The following CLCN5 variants were observed in gnomAD, a reference collection of about 807,000 sequenced individuals.
CLCN5 encodes H(+)/Cl(-) exchange transporter 5.
A neutral mutation model predicts 54.0 loss-of-function variants in CLCN5; 17 were observed. That is an observed-to-expected ratio of 0.31 (90% CI 0.22 to 0.47). CLCN5 has a LOEUF of 0.47. Among genes scored for constraint, CLCN5 ranks in the 20% least tolerant of loss-of-function variants. The probability of loss-of-function intolerance (pLI) is 1.00; values close to 1 mark genes in which losing one functional copy is unlikely to be tolerated. For synonymous variants in CLCN5, 222 were observed against 233.0 expected (o/e 0.95, Z 0.43); for missense variants, 448 against 646.7 (o/e 0.69, Z 3.33).
intron 3 of CLCN5, among the ~76,000 whole-genome samples, chrX:49,996,455 C>T (rs938150613): frequency 1.8e-5 from 2 of 111,967 alleles, no homozygotes; most frequent in African/African-American, 6.5e-5. Flanking sequence ...ATTTTACTCT[C>T]CAACTTATAA....
chrX:50,034,717 C>T lies in CLCN5; in HGVS notation c.17-7599C>T, dbSNP rs781997028. ...CAATGTCACTAGTAAAACAGGATGCCAGTAAGCCATACCACAAACTAGCAC... is the reference window on the plus strand; with the variant it reads ...CAATGTCACTAGTAAAACAGGATGCTAGTAAGCCATACCACAAACTAGCAC... On this transcript the variant is annotated intron_variant, in intron 3 of 14. Coordinates refer to ENST00000376091, the MANE Select transcript of CLCN5 (RefSeq NM_001127898.4). 9.0e-5 allele frequency among the ~76,000 whole-genome samples: 10 copies of T among 110,973 alleles called. No homozygotes were observed. In the East Asian group the frequency reaches 2.8e-3, roughly 32 times the overall value.
chrX:50,065,644 C>G (rs1208796448), intron 4 of CLCN5, among the ~76,000 whole-genome samples: 23 of 89,424 alleles, frequency 2.6e-4, no homozygotes, highest in African/African-American at 7.2e-4. Context: ...CCATTTGACC[C>G]AGCCATCCCA....
chrX:50,069,404 C>T (rs1050940559), intron 4 of CLCN5: 2 of 470,301 alleles, frequency 4.3e-6, no homozygotes, highest in Middle Eastern at 1.3e-3. Context: ...GCCAACTTAA[C>T]TCGTGAAGAG....
chrX:49,974,073 C>T (rs184415479), intron 3 of CLCN5, among the ~76,000 whole-genome samples: 55 of 112,328 alleles, frequency 4.9e-4, no homozygotes, highest in Non-Finnish European at 6.8e-4. Context: ...TAGCATGTAT[C>T]GGTACTTCAT....
intron 3 of CLCN5, among the ~76,000 whole-genome samples, chrX:49,946,965 A>G (rs1332690793): frequency 4.5e-5 from 5 of 110,118 alleles, no homozygotes; most frequent in African/African-American, 1.7e-4. Flanking sequence ...AGTAGCTGGG[A>G]TTACAGTCAT....
rs1557191326 is a variant in CLCN5 at position 50,069,908 on chromosome X, G to C, written c.193G>C (p.Gly65Arg). ...EDKSYNGGGI[G>R]SSNRIMDFLE... ...CAAGTCGTACAATGGTGGAGGAATA[G>C]GTTCTTCAAATAGGATCATGGACTT... Residue 65 changes from glycine (G) to arginine (R), a missense_variant, in exon 5 of 15, where the codon GGT becomes CGT. Physicochemically the swap from Gly to Arg is moderately radical, Grantham distance 125. Around this residue, in one of 5 missense-constraint regions of CLCN5, gnomAD observed 69 missense variants for 60.9 expected, o/e 1.13. Coordinates refer to ENST00000376091, the MANE Select transcript of CLCN5 (RefSeq NM_001127898.4). 8.3e-7 allele frequency: 1 copy of C among 1,209,518 alleles called. No individual in the cohort carries two copies.
At chrX:50,035,797 G>A (rs1246810481) in intron 3 of CLCN5, among the ~76,000 whole-genome samples, 4 of 112,274 alleles carry the variant, frequency 3.6e-5, no homozygotes, top group Non-Finnish European at 7.5e-5. Context: ...AACTCTCTAC[G>A]CATGGGGAAC....
chrX:50,005,477 C>T (rs782604763), intron 3 of CLCN5, among the ~76,000 whole-genome samples: 1 of 111,717 alleles, frequency 9.0e-6, no homozygotes, highest in Non-Finnish European at 1.9e-5. Context: ...GCTATTTGAT[C>T]ACCCAGTGTT....
At chrX:50,050,198 A>G (rs782081927) in intron 4 of CLCN5, 35 of 112,147 alleles carry the variant, frequency 3.1e-4, no homozygotes, top group African/African-American at 1.1e-3. Flanking sequence ...AAATTTTCAA[A>G]TCAAGTAAGT....
At chrX:49,964,136 C>T (rs1161517127) in intron 3 of CLCN5, among the ~76,000 whole-genome samples, 2 of 112,016 alleles carry the variant, frequency 1.8e-5, no homozygotes, top group Non-Finnish European at 3.8e-5. Flanking sequence ...CAAATCAAAG[C>T]AGTAAACTAC....
At chrX:50,050,356 TC>T (rs1277489554) in intron 4 of CLCN5, 2 of 112,114 alleles carry the variant, frequency 1.8e-5, no homozygotes, top group African/African-American at 6.5e-5. Flanking sequence ...GAATGAGAGT[TC>T]CTGTTAGTTT....
At chrX:50,075,396 G>GTA (rs1192701797) in intron 6 of CLCN5, among the ~76,000 whole-genome samples, 234 of 109,389 alleles carry the variant, frequency 2.1e-3, no homozygotes, top group African/African-American at 3.8e-3. Context: ...ATATGTATAT[G>GTA]TATATATATA....
chrX:50,025,350 G>A (rs1250261855), intron 3 of CLCN5, among the ~76,000 whole-genome samples: 7 of 82,200 alleles, frequency 8.5e-5, no homozygotes, highest in African/African-American at 1.4e-4. Flanking sequence ...CGCACGGTGC[G>A]CGCACACACT....
At chrX:50,066,445 A>G (rs1933025897) in intron 4 of CLCN5, among the ~76,000 whole-genome samples, 1 of 111,618 alleles carries the variant, frequency 9.0e-6, no homozygotes, top group Non-Finnish European at 1.9e-5. Flanking sequence ...GGTGTATCGA[A>G]CCTTAAGAAT....
At chrX:49,969,398 A>G (rs1325379296) in intron 3 of CLCN5, among the ~76,000 whole-genome samples, 1 of 112,422 alleles carries the variant, frequency 8.9e-6, no homozygotes, top group African/African-American at 3.2e-5. Context: ...CTTCTTTTCA[A>G]TAATGGTGTA....
intron 3 of CLCN5, among the ~76,000 whole-genome samples, chrX:50,036,205 A>G (rs782696952): frequency 9.9e-6 from 1 of 100,595 alleles, no homozygotes; most frequent in East Asian, 2.8e-4. Flanking sequence ...TTTCTCTTGA[A>G]CATTCTTCTA....
At chrX:49,933,971 A>C (rs1557169222) in intron 3 of CLCN5, among the ~76,000 whole-genome samples, 2 of 111,165 alleles carry the variant, frequency 1.8e-5, no homozygotes, top group Admixed American at 1.9e-4. Context: ...CAAAGGAAGA[A>C]ACTGAGGCCC....
intron 3 of CLCN5, among the ~76,000 whole-genome samples, chrX:49,994,283 G>A (rs781873948): frequency 5.4e-5 from 6 of 111,300 alleles, no homozygotes; most frequent in Non-Finnish European, 7.5e-5. Context: ...GAATAATGAT[G>A]TCTGTAACCC....
intron 4 of CLCN5, among the ~76,000 whole-genome samples, chrX:50,050,839 A>G (rs924861759): frequency 3.7e-5 from 4 of 107,943 alleles, no homozygotes; most frequent in Admixed American, 9.9e-5. Flanking sequence ...AATTTTTTGT[A>G]TTTTAGTAGA....
Sources: allele counts gnomAD v4.1 joint callset (sites outside exome capture counted in the v4.1 genomes callset), GRCh38; gene constraint gnomAD v4.1.1; regional missense constraint gnomAD v4.1.1; transcripts MANE v1.5; gene names NCBI Gene and HGNC (gene_info 2026-07-23, HGNC 2026-07-21).